HSPG2: variants seen among roughly 807,000 people sequenced by gnomAD.
HSPG2 encodes heparan sulfate proteoglycan 2.
Under a neutral mutation model 526.6 loss-of-function variants are expected in HSPG2, and 278 were observed. The observed-to-expected ratio is 0.53, with a 90% confidence interval of 0.48 to 0.58. HSPG2 has a LOEUF of 0.58. Ranked by LOEUF, HSPG2 falls within the 20% of genes least tolerant of loss-of-function variation. HSPG2 has a pLI of 0.00. For synonymous variants in HSPG2, 2,465 were observed against 2,555.4 expected, an observed-to-expected ratio of 0.96 and a Z score of 1.07; for missense variants, 5,354 against 6,099.5, an observed-to-expected ratio of 0.88 and a Z score of 4.07.
At chr1:21,885,842 C>A (rs538126262) in intron 9 of HSPG2, among the ~76,000 whole-genome samples, 1 of 152,384 alleles carries the variant, frequency 6.6e-6, no homozygotes, top group Non-Finnish European at 1.5e-5. Context: ...GCCCACCCTT[C>A]TCTACCAGAA....
chr1:21,841,546 A>G lies in HSPG2; in HGVS notation c.9321T>C (p.Ser3107=). 6.2e-7 allele frequency: 1 copy of G among 1,614,174 alleles called. No homozygotes were observed. The change falls in exon 70 of 97, where the codon AGT becomes AGC. Residue 3107 remains serine, a synonymous_variant. Coordinates refer to ENST00000374695, the MANE Select transcript of HSPG2 (RefSeq NM_005529.7). ...GGGTCAACGTCCCCTCACCGTGCAC[A>G]CTGAGGTTCACCACACTCTGGGCCA... ...YGVAQSVVNL[S]VHGPPTVSVL... is the part of the protein sequence containing the mutation.
intron 39 of HSPG2, among the ~76,000 whole-genome samples, chr1:21,860,948 G>C (rs1192249040): frequency 1.3e-5 from 2 of 152,246 alleles, no homozygotes; most frequent in Non-Finnish European, 2.9e-5. Flanking sequence ...TATCAGGGCT[G>C]TGCGGGTGCA....
chr1:21,857,304 A>G lies in HSPG2; in HGVS notation c.5375T>C (p.Ile1792Thr), dbSNP rs761727143. The G allele has an allele frequency of 4.3e-6, 7 of 1,614,080 alleles. No homozygotes were observed. The highest frequency in any genetic ancestry group is 1.1e-5 in the South Asian group (1 of 91,078). Residue 1792 changes from isoleucine to threonine, a missense_variant, in exon 43 of 97, where the codon ATC becomes ACC. Physicochemically the swap from Ile to Thr is moderately conservative, Grantham distance 89. Coordinates refer to ENST00000374695, the MANE Select transcript of HSPG2 (RefSeq NM_005529.7). ...GCACACCTTGCTTTTGGCTGTGCAG[A>G]TGAAGGTGACGTCAGCTCCGGGGCG... ...SVRPGADVTF[I>T]CTAKSKSPAY...
chr1:21,898,333 A>G lies in HSPG2; in HGVS notation c.64-2023T>C, dbSNP rs1445996322. Among the ~76,000 whole-genome samples, 1 of 152,178 alleles carries G rather than the reference A, an allele frequency of 6.6e-6. No homozygotes were observed. Among genetic ancestry groups the G allele is most frequent in the Non-Finnish European group, 1.5e-5 (1 of 68,018 alleles). ...TTGGCCTAAAGCCCTTACCCCCAAC[A>G]ATCCAGCGGCAAATGTTGCCTCCTG... On this transcript the variant is annotated intron_variant, in intron 1 of 96. Transcript: ENST00000374695. This position sits in a 1 kb window ranked among gnomAD's most constrained non-coding sequence, Gnocchi z 4.0.
rs982313385 is a variant in HSPG2 at position 21,847,777 on chromosome 1, G to C, written c.7937C>G (p.Thr2646Ser). 8 of 1,613,656 alleles carry C rather than the reference G, an allele frequency of 5.0e-6. No individual in the cohort carries two copies. Among genetic ancestry groups the C allele is most frequent in the Non-Finnish European group, 6.8e-6 (8 of 1,179,992 alleles). The stretch of plus-strand genomic sequence containing the variant: ...GGCGACCACGCAGTTCAGATCCAAG[G>C]TCTGCCCTTCCACCACCGTGGGGGA... ...SSSPTVVEGQ[T>S]LDLNCVVARQ... The change falls in exon 61 of 97, where the codon ACC becomes AGC. Residue 2646 changes from threonine to serine, a missense_variant. Thr to Ser is a moderately conservative substitution (Grantham distance 58, BLOSUM62 1). Transcript: ENST00000374695. This position sits in a 1 kb window ranked among gnomAD's most constrained non-coding sequence, Gnocchi z 4.1.
chr1:21,908,572 A>C, intron 1 of HSPG2: 1 of 749,108 alleles, frequency 1.3e-6, no homozygotes. Context: ...CTATGAATTC[A>C]CGGCATAATA....
intron 21 of HSPG2, 103 bp downstream of exon 21, chr1:21,878,083 C>A: frequency 9.3e-7 from 1 of 1,070,900 alleles, no homozygotes; most frequent in Non-Finnish European, 1.4e-6. Flanking sequence ...GGTTACCACC[C>A]ACTGGCCAAG....
chr1:21,835,301 A>G (rs1334075094), intron 76 of HSPG2: 1 of 603,308 alleles, frequency 1.7e-6, no homozygotes, highest in East Asian at 2.8e-5. Context: ...CACTGATTCA[A>G]TCTTCATCGG....
Position 21,872,732 on chromosome 1 carries a change from T to A in HSPG2, c.3917A>T (p.His1306Leu). The change falls in exon 32 of 97, where the codon CAC (histidine) becomes CTC (leucine). Residue 1306 changes from histidine to leucine, a missense_variant. By Grantham distance (99) the His-to-Leu change is moderately conservative (BLOSUM62 -3). Coordinates refer to ENST00000374695, the MANE Select transcript of HSPG2 (RefSeq NM_005529.7). The surrounding 1 kb of genome is among the most constrained non-coding windows in gnomAD (Gnocchi z 5.5). The stretch of plus-strand genomic sequence containing the variant: ...CAGGTGGAAGTGGTGGGGCCGGCAG[T>A]GGCTGCAAGTGAGGCCTTCCACCTG... The part of the protein sequence containing the change: ...KAQVEGLTCS[H>L]CRPHHFHLSA... The A allele has an allele frequency of 1.2e-6, 2 of 1,609,150 alleles. No individual in the cohort carries two copies. The highest frequency in any genetic ancestry group is 1.7e-6 in the Non-Finnish European group (2 of 1,178,608).
intron 1 of HSPG2, among the ~76,000 whole-genome samples, chr1:21,909,758 C>T (rs1372227027): frequency 6.6e-6 from 1 of 152,334 alleles, no homozygotes; most frequent in African/African-American, 2.4e-5. Flanking sequence ...TCCCCAAACC[C>T]GAACACAGCC....
chr1:21,849,441 A>G (rs1260422861), intron 57 of HSPG2, among the ~76,000 whole-genome samples: 1 of 152,232 alleles, frequency 6.6e-6, no homozygotes, highest in Non-Finnish European at 1.5e-5. Context: ...GAGGAGCCCC[A>G]GTGAGCTGGG....
rs1408424288 is a variant in HSPG2 at position 21,872,027 on chromosome 1, C to T, written c.4221+159G>A. 6.6e-6 allele frequency among the ~76,000 whole-genome samples: 1 copy of T among 152,228 alleles called. No individual in the cohort carries two copies. Among genetic ancestry groups the T allele is most frequent in the African/African-American group, 2.4e-5 (1 of 41,458 alleles). ...CAAATGGTGTCTGGCTGGCAAGCGG[C>T]AGAGCTGGGGTTCAGACCAATGTCT... is the stretch of plus-strand genomic sequence containing the variant. On this transcript the variant is annotated intron_variant, in intron 33 of 96. Transcript: ENST00000374695. The surrounding 1 kb of genome is among the most constrained non-coding windows in gnomAD (Gnocchi z 5.5).
In HSPG2 at chr1:21,847,215, C is replaced by A; in HGVS notation, c.8164+139G>T. The A allele has an allele frequency of 1.1e-6, 1 of 877,236 alleles. No individual in the cohort carries two copies. The allele number at this position is 877,236 out of a possible 1,614,324, so 54.3% of individuals were successfully genotyped here. On this transcript the variant is annotated intron_variant, in intron 62 of 96. Coordinates refer to ENST00000374695, the MANE Select transcript of HSPG2 (RefSeq NM_005529.7). The surrounding 1 kb of genome is among the most constrained non-coding windows in gnomAD (Gnocchi z 4.1). ...ATTTGAAATGTTAGAAATGGGGTAG[C>A]CGTAGCCACTGAACCCACGCATCTT...
At chr1:21,842,444 C>T in intron 67 of HSPG2, 64 bp from the exon 68 acceptor site, 2 of 1,485,904 alleles carry the variant, frequency 1.3e-6, no homozygotes, top group Non-Finnish European at 1.8e-6. Context: ...TGTCCCCAAG[C>T]CCAACTGTGC....
chr1:21,835,323 A>G, intron 76 of HSPG2: 1 of 611,306 alleles, frequency 1.6e-6, no homozygotes, highest in South Asian at 1.9e-5. Flanking sequence ...TCATCTGAGC[A>G]CTCACACACT....
rs1309975355 is a variant in HSPG2, at chr1:21,847,989, G to A, written c.7842C>T (p.Ile2614=). The A allele has an allele frequency of 6.8e-6, 11 of 1,613,758 alleles. No homozygotes were observed. Among genetic ancestry groups the A allele is most frequent in the African/African-American group, 2.7e-5 (2 of 75,030 alleles). ...AGGAACCGCTGCCCTGGATGGTGAC[G>A]ATGAGCGAGGTCTCCCGGGAGCCTG... is the stretch of plus-strand genomic sequence containing the variant. ...NGAGSRETSL[I]VTIQGSGSSH... is the part of the protein sequence containing the mutation. The change falls in exon 60 of 97, where the codon ATC becomes ATT. Residue 2614 remains isoleucine, a synonymous_variant. Transcript: ENST00000374695. The surrounding 1 kb of genome is among the most constrained non-coding windows in gnomAD (Gnocchi z 4.1).
Position 21,865,571 on chromosome 1 carries a change from C to T in HSPG2, c.4314+146G>A. 2.3e-6 allele frequency: 2 copies of T among 874,592 alleles called. No individual in the cohort carries two copies. The highest frequency in any genetic ancestry group is 2.7e-5 in the South Asian group (2 of 73,700). The allele number at this position is 874,592 out of a possible 1,614,324, so 54.2% of individuals were successfully genotyped here. A position where few individuals can be genotyped will look rare whatever the true frequency, so the allele number is the denominator to read the frequency against. ...TCTGCTTGGGTAGTGTCCAACCAGG[C>T]AGGGATGTGGGGGCATGGGCCTAAC... On this transcript the variant is annotated intron_variant, in intron 34 of 96. Transcript: ENST00000374695. The surrounding 1 kb of genome is among the most constrained non-coding windows in gnomAD (Gnocchi z 5.4).
At chr1:21,889,909 C>T in intron 6 of HSPG2, 72 bp downstream of exon 6, 1 of 1,527,180 alleles carries the variant, frequency 6.5e-7, no homozygotes, top group Non-Finnish European at 9.1e-7. Context: ...AGTTGGGAGC[C>T]TATGGCAGAG....
chr1:21,873,243 C>G, intron 30 of HSPG2, 132 bp downstream of exon 30: 1 of 1,218,880 alleles, frequency 8.2e-7, no homozygotes, highest in Non-Finnish European at 1.2e-6. Context: ...GGGGCCTTCT[C>G]CTATCCCCAT....
Sources: allele counts gnomAD v4.1 joint callset (sites outside exome capture counted in the v4.1 genomes callset), GRCh38; gene constraint gnomAD v4.1.1; non-coding constraint Gnocchi (gnomAD v3.1); transcripts MANE v1.5; gene names NCBI Gene and HGNC (gene_info 2026-07-23, HGNC 2026-07-21).